The following ROBO1 variants were observed in gnomAD, a reference collection of about 807,000 sequenced individuals.
The protein encoded by ROBO1 is roundabout homolog 1.
ROBO1 carries 149 observed loss-of-function variants against 195.9 expected under a neutral mutation model. That is an observed-to-expected ratio of 0.76 (90% CI 0.67 to 0.87). The LOEUF (loss-of-function observed/expected upper bound fraction) is 0.87. Ranked by LOEUF, ROBO1 falls within the 40% of genes least tolerant of loss-of-function variation. The pLI is 0.00. For missense variants in ROBO1, 1,933 were observed against 2,068.3 expected, an observed-to-expected ratio of 0.93 and a Z score of 1.27; for synonymous variants, 816 against 733.2, an observed-to-expected ratio of 1.11 and a Z score of -1.82.
At chr3:78,908,207 C>A (rs1166394534) in intron 4 of ROBO1, among the ~76,000 whole-genome samples, 3 of 151,910 alleles carry the variant, frequency 2.0e-5, no homozygotes, top group Non-Finnish European at 4.4e-5. Flanking sequence ...AATTATCCAG[C>A]ATCCTGCAAC....
intron 5 of ROBO1, among the ~76,000 whole-genome samples, chr3:78,718,870 G>C (rs11708898): frequency 0.4 from 54,836 of 137,000 alleles, 12,524 homozygotes; most frequent in Middle Eastern, 0.5. Context: ...GAGGGAGAGA[G>C]GGAAAAAGGG....
chr3:78,870,671 C>A lies in ROBO1; in HGVS notation c.499+67930G>T, dbSNP rs547077811. 1.2e-4 allele frequency among the ~76,000 whole-genome samples: 19 copies of A among 152,256 alleles called. No individual in the cohort carries two copies. The South Asian group carries it at 3.9e-3, about 32-fold the overall frequency. ...AAACAGGAATCATGGCTGAGCCCAT[C>A]ATCAATGGCAAGGATTTTAAAAGGA... On this transcript the variant is annotated intron_variant, in intron 4 of 30. Coordinates refer to ENST00000464233, the MANE Select transcript of ROBO1 (RefSeq NM_002941.4).
chr3:78,670,543 G>A (rs1240320845), intron 10 of ROBO1: 1 of 487,804 alleles, frequency 2.0e-6, no homozygotes, highest in African/African-American at 2.0e-5. Flanking sequence ...GCATCGTCAA[G>A]AGGCCTATTT....
intron 2 of ROBO1, among the ~76,000 whole-genome samples, chr3:79,137,705 T>C (rs1386552014): frequency 1.3e-5 from 2 of 152,084 alleles, no homozygotes; most frequent in Non-Finnish European, 2.9e-5. Context: ...GCTTCTGTCA[T>C]GCAACTAGTA....
At chr3:79,555,756 A>G (rs537683997) in intron 2 of ROBO1, among the ~76,000 whole-genome samples, 2 of 152,250 alleles carry the variant, frequency 1.3e-5, no homozygotes, top group South Asian at 4.1e-4. Flanking sequence ...TTTCATATAG[A>G]ATCTGAATCA....
chr3:78,900,655 T>C (rs953371867), intron 4 of ROBO1, among the ~76,000 whole-genome samples: 1 of 152,168 alleles, frequency 6.6e-6, no homozygotes, highest in African/African-American at 2.4e-5. Context: ...TTAATGAGTG[T>C]ATATGCGCTA....
chr3:79,138,540 A>T, intron 2 of ROBO1, among the ~76,000 whole-genome samples: 1 of 152,026 alleles, frequency 6.6e-6, no homozygotes, highest in East Asian at 1.9e-4. Flanking sequence ...ATAGAATAAC[A>T]TATTACTTCC....
intron 3 of ROBO1, among the ~76,000 whole-genome samples, chr3:79,091,886 T>C (rs1268167941): frequency 6.6e-6 from 1 of 151,982 alleles, no homozygotes; most frequent in South Asian, 2.1e-4. Context: ...AGAGATCAAA[T>C]GATAGAGTAG....
At position 79,361,883 on chromosome 3, in the gene ROBO1, A is replaced by T. The variant is rs2035782283; in HGVS notation, c.88+227941T>A. Among the ~76,000 whole-genome samples, 3 of 152,272 alleles carry T rather than the reference A, an allele frequency of 2.0e-5. No homozygotes were observed. In the South Asian group the frequency reaches 6.2e-4, roughly 32 times the overall value. Reference sequence around the variant, plus strand: ...AATTAGAAAATTTTAATATTTAAAAAGTATATTTCTTGATTAAAAAATAAT... The same window carrying T: ...AATTAGAAAATTTTAATATTTAAAATGTATATTTCTTGATTAAAAAATAAT... On this transcript the variant is annotated intron_variant, in intron 2 of 30. Coordinates refer to ENST00000464233, the MANE Select transcript of ROBO1 (RefSeq NM_002941.4).
At chr3:78,668,333 G>C (rs777555991) in intron 12 of ROBO1, 31 bp from the exon 13 acceptor site, 2 of 1,610,926 alleles carry the variant, frequency 1.2e-6, no homozygotes, top group Non-Finnish European at 1.7e-6. Flanking sequence ...CAAAATAAAA[G>C]ATGTTTACAC....
At chr3:78,672,226 C>T (rs1334220011) in intron 10 of ROBO1, among the ~76,000 whole-genome samples, 2 of 149,420 alleles carry the variant, frequency 1.3e-5, no homozygotes, top group Non-Finnish European at 3.0e-5. Flanking sequence ...TGTAGTATCA[C>T]TAGTGTCCTC....
At chr3:78,729,038 CA>C (rs1415888024) in intron 5 of ROBO1, among the ~76,000 whole-genome samples, 1 of 152,248 alleles carries the variant, frequency 6.6e-6, no homozygotes, top group African/African-American at 2.4e-5. Flanking sequence ...GCTCTTTGCA[CA>C]GCTTGGTGAG....
At chr3:79,086,458 C>T (rs1187298810) in intron 3 of ROBO1, among the ~76,000 whole-genome samples, 1 of 152,058 alleles carries the variant, frequency 6.6e-6, no homozygotes, top group Non-Finnish European at 1.5e-5. Context: ...CATTTCTACT[C>T]CAGTACAATA....
At chr3:79,212,566 A>G (rs2081984123) in intron 2 of ROBO1, among the ~76,000 whole-genome samples, 1 of 152,186 alleles carries the variant, frequency 6.6e-6, no homozygotes, top group African/African-American at 2.4e-5. Flanking sequence ...TACACCTACA[A>G]TCCCAGCACT....
At position 79,556,114 on chromosome 3, in the gene ROBO1, C is replaced by T. The variant is rs148384302; in HGVS notation, c.88+33710G>A. Among the ~76,000 whole-genome samples, 548 of 151,940 alleles carry T rather than the reference C, an allele frequency of 3.6e-3. 2 individuals carry two copies. The highest frequency in any genetic ancestry group is 0.013 in the African/African-American group (523 of 41,466). On this transcript the variant is annotated intron_variant, in intron 2 of 30. Coordinates refer to ENST00000464233, the MANE Select transcript of ROBO1 (RefSeq NM_002941.4). The stretch of plus-strand genomic sequence containing the variant: ...AATGCCTTTAGTTTAGTAAACTATA[C>T]CTTTAATCTTTTATCTTTTATTCTT...
intron 3 of ROBO1, among the ~76,000 whole-genome samples, chr3:78,977,661 G>C (rs2076910762): frequency 2.0e-5 from 3 of 151,330 alleles, no homozygotes; most frequent in African/African-American, 7.3e-5. Context: ...ATAATGGAAA[G>C]TATAAAGGAA....
chr3:78,752,028 G>T (rs930260221), intron 4 of ROBO1, among the ~76,000 whole-genome samples: 6 of 151,920 alleles, frequency 3.9e-5, no homozygotes, highest in South Asian at 2.1e-4. Flanking sequence ...AAAATAAAAT[G>T]AATCCCTTAA....
At chr3:79,312,196 G>C (rs960635972) in intron 2 of ROBO1, among the ~76,000 whole-genome samples, 2 of 152,040 alleles carry the variant, frequency 1.3e-5, no homozygotes, top group African/African-American at 4.8e-5. Flanking sequence ...AATCTCCATT[G>C]CCCACTTTGA....
chr3:78,885,426 A>C (rs1436797125), intron 4 of ROBO1, among the ~76,000 whole-genome samples: 2 of 146,250 alleles, frequency 1.4e-5, no homozygotes, highest in East Asian at 3.9e-4. Context: ...AAAAAAAAAA[A>C]AAAAAAAAAA....
Sources: allele counts gnomAD v4.1 joint callset (sites outside exome capture counted in the v4.1 genomes callset), GRCh38; gene constraint gnomAD v4.1.1; transcripts MANE v1.5; gene names NCBI Gene and HGNC (gene_info 2026-07-23, HGNC 2026-07-21).